MARCHF1: variants seen among roughly 807,000 people sequenced by gnomAD.
MARCHF1 encodes the protein E3 ubiquitin-protein ligase MARCHF1.
In MARCHF1, 40 loss-of-function variants were observed where a neutral mutation model predicts 54.2. That is an observed-to-expected ratio of 0.74 (90% CI 0.57 to 0.96). The LOEUF (loss-of-function observed/expected upper bound fraction) is 0.96. Ranked by LOEUF, MARCHF1 falls within the 40% of genes least tolerant of loss-of-function variation. The pLI, the probability that MARCHF1 is intolerant of heterozygous loss-of-function variation, is 0.00. For missense variants in MARCHF1, 586 were observed against 656.5 expected (o/e 0.89, Z 1.17); for synonymous variants, 236 against 236.3 (o/e 1.00, Z 0.01).
intron 2 of MARCHF1, among the ~76,000 whole-genome samples, chr4:164,024,300 C>G (rs1411142735): frequency 6.6e-6 from 1 of 151,912 alleles, no homozygotes; most frequent in African/African-American, 2.4e-5. Context: ...TCTCCAAGGT[C>G]AACGTGAAAG....
intron 1 of MARCHF1, among the ~76,000 whole-genome samples, chr4:164,173,812 C>A (rs994828534): frequency 6.6e-6 from 1 of 152,188 alleles, no homozygotes; most frequent in Admixed American, 6.5e-5. Context: ...CCTGCAGAAT[C>A]GTGAGCCAAA....
chr4:164,042,631 T>C (rs1405348261), intron 2 of MARCHF1, among the ~76,000 whole-genome samples: 5 of 152,164 alleles, frequency 3.3e-5, no homozygotes, highest in African/African-American at 1.2e-4. Flanking sequence ...CAAAATCTCT[T>C]GTCCTCCTCA....
chr4:163,592,945 A>G (rs1740640322), intron 7 of MARCHF1, among the ~76,000 whole-genome samples: 2 of 152,128 alleles, frequency 1.3e-5, no homozygotes, highest in Non-Finnish European at 2.9e-5. Flanking sequence ...TCTTAAGATC[A>G]GCTCAGACTG....
intron 1 of MARCHF1, among the ~76,000 whole-genome samples, chr4:164,311,879 A>T (rs943903075): frequency 2.0e-5 from 3 of 152,222 alleles, no homozygotes; most frequent in African/African-American, 7.2e-5. Flanking sequence ...GGGATGGAGG[A>T]AAGATTTATG....
chr4:164,004,650 T>C (rs948480588), intron 2 of MARCHF1, among the ~76,000 whole-genome samples: 1 of 152,226 alleles, frequency 6.6e-6, no homozygotes. Flanking sequence ...ATATATTTTC[T>C]GGTCATAACA....
Position 163,612,328 on chromosome 4 carries a change from G to C in MARCHF1, c.953C>G (p.Pro318Arg). The C allele has an allele frequency of 6.5e-7, 1 of 1,533,916 alleles. No individual in the cohort carries two copies. Among genetic ancestry groups the C allele is most frequent in the Non-Finnish European group, 8.7e-7 (1 of 1,145,974 alleles). Residue 318 changes from proline (P) to arginine (R), a missense_variant, in exon 7 of 10, where the codon CCT (proline) becomes CGT (arginine). Pro to Arg is a moderately radical substitution (Grantham distance 103). Coordinates refer to ENST00000514618, the MANE Select transcript of MARCHF1 (RefSeq NM_001394959.1). ...MNDAGLQVNN[P>R]VQKPPATYDD... ...ATAGGTGGCAGGAGGCTTCTGAACA[G>C]GGTTATTCACCTGGAGCCCTGCATC...
At chr4:164,325,675 G>A (rs1370945379) in intron 1 of MARCHF1, among the ~76,000 whole-genome samples, 1 of 151,906 alleles carries the variant, frequency 6.6e-6, no homozygotes, top group Non-Finnish European at 1.5e-5. Flanking sequence ...GTTGCAGTGA[G>A]CCAAGATCGC....
rs1195959033 is a variant in MARCHF1 at position 164,137,656 on chromosome 4, AAAG to A, written c.-322-25997_-322-25995del. On this transcript the variant is annotated intron_variant, in intron 1 of 9. Transcript: ENST00000514618. The stretch of plus-strand genomic sequence containing the variant: ...CCTAATAAAACATGTCATATATAAA[AAAG>A]AAACACATTAACCTCTTAATTTGGG... Among the ~76,000 whole-genome samples, 20 of 152,336 alleles carry A rather than the reference AAAG, an allele frequency of 1.3e-4. 1 individual carries two copies. The highest frequency in any genetic ancestry group is 3.4e-3 in the Middle Eastern group (1 of 294).
At chr4:164,241,604 A>G (rs1732753702) in intron 1 of MARCHF1, among the ~76,000 whole-genome samples, 1 of 152,204 alleles carries the variant, frequency 6.6e-6, no homozygotes. Flanking sequence ...ATACTATTAT[A>G]TAAAGAAATG....
At chr4:163,678,711 C>CGAAAAGA (rs1262980092) in intron 5 of MARCHF1, among the ~76,000 whole-genome samples, 14 of 152,132 alleles carry the variant, frequency 9.2e-5, no homozygotes, top group Non-Finnish European at 2.9e-5. Context: ...TTACTTGATG[C>CGAAAAGA]TTTCAGGAAT....
intron 1 of MARCHF1, among the ~76,000 whole-genome samples, chr4:164,295,451 C>CACACATACACACAA (rs1734387495): frequency 5.4e-5 from 1 of 18,356 alleles, no homozygotes. Context: ...CACACAAACA[C>CACACATACACACAA]ACACACACAC....
intron 3 of MARCHF1, among the ~76,000 whole-genome samples, chr4:163,940,587 T>A (rs1228064787): frequency 6.6e-6 from 1 of 152,072 alleles, no homozygotes; most frequent in Admixed American, 6.6e-5. Flanking sequence ...GCATCAGGTG[T>A]AACATCAAAA....
intron 4 of MARCHF1, among the ~76,000 whole-genome samples, chr4:163,743,642 G>A (rs367640753): frequency 6.8e-6 from 1 of 146,834 alleles, no homozygotes; most frequent in African/African-American, 2.5e-5. Flanking sequence ...GCAGTGGCGC[G>A]ATCTGGGCTC....
chr4:164,318,988 G>C (rs1735069801), intron 1 of MARCHF1, among the ~76,000 whole-genome samples: 2 of 152,012 alleles, frequency 1.3e-5, no homozygotes. Flanking sequence ...ATAAAATACA[G>C]AGTTAAAGAA....
chr4:163,917,425 T>C (rs1329169578), intron 3 of MARCHF1, among the ~76,000 whole-genome samples: 1 of 147,118 alleles, frequency 6.8e-6, no homozygotes, highest in Non-Finnish European at 1.5e-5. Flanking sequence ...CTGGCATTTA[T>C]TGTTATCAGT....
At chr4:163,941,011 C>G (rs1751901744) in intron 3 of MARCHF1, among the ~76,000 whole-genome samples, 1 of 152,034 alleles carries the variant, frequency 6.6e-6, no homozygotes, top group Admixed American at 6.6e-5. Flanking sequence ...TATTGTCTTC[C>G]TCGGAGTTTC....
intron 1 of MARCHF1, among the ~76,000 whole-genome samples, chr4:164,377,591 G>GCACA (rs56204290): frequency 0.08 from 11,915 of 149,076 alleles, 663 homozygotes; most frequent in East Asian, 0.2. Flanking sequence ...TACTTTTTAT[G>GCACA]CACACACACA....
At chr4:163,638,415 C>G (rs998528299) in intron 5 of MARCHF1, among the ~76,000 whole-genome samples, 2 of 151,912 alleles carry the variant, frequency 1.3e-5, no homozygotes, top group African/African-American at 4.8e-5. Flanking sequence ...GGCACCTACC[C>G]TCCCTCTCTC....
chr4:164,307,873 TCCA>T (rs1242152112), intron 1 of MARCHF1, among the ~76,000 whole-genome samples: 6 of 152,204 alleles, frequency 3.9e-5, no homozygotes, highest in African/African-American at 1.4e-4. Flanking sequence ...TTGCCTCCTT[TCCA>T]GAAGAATAAT....
Sources: gnomAD v4.1 joint callset for allele counts (sites outside exome capture counted in the v4.1 genomes callset) on GRCh38, gnomAD v4.1.1 for gene constraint, MANE v1.5 for transcripts, NCBI Gene and HGNC (gene_info 2026-07-23, HGNC 2026-07-21) for gene names.